The following PTPN3 variants were observed in gnomAD, a reference collection of about 807,000 sequenced individuals.
PTPN3 encodes the protein tyrosine-protein phosphatase non-receptor type 3.
PTPN3 carries 96 observed loss-of-function variants against 132.7 expected under a neutral mutation model. The observed-to-expected ratio is 0.72, with a 90% CI of 0.61 to 0.86. The LOEUF is 0.86. PTPN3 is among the 40% of genes least tolerant of loss of function. The probability of loss-of-function intolerance (pLI) is 0.00; values close to 1 mark genes in which losing one functional copy is unlikely to be tolerated. For missense variants in PTPN3, 1,125 were observed against 1,159.6 expected (o/e 0.97, Z 0.43); for synonymous variants, 398 against 429.0 (o/e 0.93, Z 0.89).
intron 14 of PTPN3, among the ~76,000 whole-genome samples, chr9:109,415,768 G>C (rs756774731): frequency 6.6e-6 from 1 of 152,134 alleles, no homozygotes; most frequent in Non-Finnish European, 1.5e-5. Flanking sequence ...AGTGAGGGAC[G>C]ACTGATGTTT....
At chr9:109,529,265 T>C in the PTPN3 span, among the ~76,000 whole-genome samples, 1 of 152,234 alleles carries the variant, frequency 6.6e-6, no homozygotes, top group African/African-American at 2.4e-5. Flanking sequence ...CTCAATCAGC[T>C]GCATCAGCAC....
Position 109,463,320 on chromosome 9 carries a change from C to A in PTPN3, c.115G>T (p.Val39Leu). Residue 39 changes from valine (V) to leucine (L), a missense_variant, in exon 2 of 26, where the codon GTG becomes TTG. By Grantham distance (32) the Val-to-Leu change is conservative. Coordinates refer to ENST00000374541, the MANE Select transcript of PTPN3 (RefSeq NM_002829.4). ...ACAGTAACTTTAAAGGTCTGTACCA[C>A]GCCATCTAAAAAGTGGATGCTGCAA... ...VICSIHFLDG[V>L]VQTFKVTKQD... 1 of 1,613,100 alleles carries A rather than the reference C, an allele frequency of 6.2e-7. No individual in the cohort carries two copies. The highest frequency in any genetic ancestry group is 2.2e-5 in the East Asian group (1 of 44,812).
intron 4 of PTPN3, 87 bp downstream of exon 4, chr9:109,457,086 G>T: frequency 7.2e-7 from 1 of 1,385,512 alleles, no homozygotes; most frequent in Non-Finnish European, 1.0e-6. Flanking sequence ...GGTACCAGAT[G>T]TCACAGGCAC....
chr9:109,468,423 G>A (rs980454555), intron 1 of PTPN3, among the ~76,000 whole-genome samples: 3 of 152,030 alleles, frequency 2.0e-5, no homozygotes, highest in African/African-American at 7.3e-5. Context: ...CTGGAGTACA[G>A]TGGCGTGATC....
In PTPN3 at chr9:109,377,435, CACACACACACACACACACACACAA is replaced by C; in HGVS notation, c.*2097_*2120del. On this transcript the variant is annotated 3_prime_UTR_variant, in exon 26 of 26. Transcript: ENST00000374541. The stretch of plus-strand genomic sequence containing the variant: ...ACACACACACACACACACACACACA[CACACACACACACACACACACACAA>C]GCCAGGTGAGGTGGCATGTGCCTAT... 6.8e-6 allele frequency: 1 copy of C among 147,800 alleles called. No homozygotes were observed. The highest frequency in any genetic ancestry group is 1.5e-5 in the Non-Finnish European group (1 of 68,662). The allele number at this position is 147,800 out of a possible 1,614,324, so 9.2% of individuals were successfully genotyped here.
In PTPN3 at chr9:109,377,513, C is replaced by T. The variant is rs773263707; in HGVS notation, c.*2043G>A. On this transcript the variant is annotated 3_prime_UTR_variant, in exon 26 of 26. Transcript: ENST00000374541. The stretch of plus-strand genomic sequence containing the variant: ...CCCGGCTACTCAGGAGGCTGAGGTG[C>T]GAGGATTGCTTGAGCCCAGGAATTT... 6.6e-6 allele frequency: 1 copy of T among 151,496 alleles called. No individual in the cohort carries two copies. Among genetic ancestry groups the T allele is most frequent in the African/African-American group, 2.4e-5 (1 of 40,978 alleles). 9.4% of individuals were successfully genotyped at this position (151,496 alleles called of 1,614,324 possible).
chr9:109,410,395 G>T lies in PTPN3; in HGVS notation c.1334C>A (p.Pro445Gln), dbSNP rs775609338. The T allele has an allele frequency of 6.2e-7, 1 of 1,614,064 alleles. No individual in the cohort carries two copies. The highest frequency in any genetic ancestry group is 8.5e-7 in the Non-Finnish European group (1 of 1,179,972). The stretch of plus-strand genomic sequence containing the variant: ...CTTCTGGGTCAGGTAGCTTTGTGCC[G>T]GATTGTTCTCGGATAAACTCCTTCA... ...PHQESLSENN[P>Q]AQSYLTQKSS... The change falls in exon 15 of 26, where the codon CCG (proline) becomes CAG (glutamine). Residue 445 changes from proline (P) to glutamine (Q), a missense_variant. Physicochemically the swap from Pro to Gln is moderately conservative, Grantham distance 76. Transcript: ENST00000374541.
intron 19 of PTPN3, among the ~76,000 whole-genome samples, chr9:109,398,000 A>G (rs1840743661): frequency 1.3e-5 from 2 of 152,258 alleles, no homozygotes; most frequent in South Asian, 4.1e-4. Context: ...TGGGCCGGGC[A>G]TGGTGGCTGA....
intron 9 of PTPN3, 122 bp downstream of exon 9, chr9:109,436,761 A>G: frequency 7.2e-7 from 1 of 1,392,110 alleles, no homozygotes; most frequent in Non-Finnish European, 9.4e-7. Context: ...AAACCTTCCA[A>G]ATATCTTTTA....
At chr9:109,527,823 C>T in the PTPN3 span, among the ~76,000 whole-genome samples, 50 of 152,126 alleles carry the variant, frequency 3.3e-4, 1 homozygote, top group African/African-American at 1.1e-3. Flanking sequence ...GAGTGAAAAG[C>T]CAAGCCACAG....
At chr9:109,401,006 T>TAC in intron 19 of PTPN3, among the ~76,000 whole-genome samples, 1 of 152,286 alleles carries the variant, frequency 6.6e-6, no homozygotes, top group South Asian at 2.1e-4. Flanking sequence ...CCCTACTGGT[T>TAC]CCATCACAGG....
At chr9:109,422,183 A>G (rs1842927170) in intron 13 of PTPN3, among the ~76,000 whole-genome samples, 1 of 152,204 alleles carries the variant, frequency 6.6e-6, no homozygotes. Context: ...CTACAAACCC[A>G]GTGCCCTTCT....
chr9:109,419,987 G>A (rs1235063126), intron 14 of PTPN3, among the ~76,000 whole-genome samples: 2 of 152,182 alleles, frequency 1.3e-5, no homozygotes, highest in Non-Finnish European at 2.9e-5. Flanking sequence ...TCAGAACCCT[G>A]TTGTTCGGAG....
chr9:109,410,405 C>T lies in PTPN3; in HGVS notation c.1324G>A (p.Glu442Lys), dbSNP rs141809051. ...AGGTAGCTTTGTGCCGGATTGTTCT[C>T]GGATAAACTCCTTCATCATGGGGAA... The part of the protein sequence containing the change: ...NRSPHQESLS[E>K]NNPAQSYLTQ... The change falls in exon 15 of 26, where the codon GAG becomes AAG. Residue 442 changes from glutamate (E) to lysine (K), a missense_variant. Physicochemically the swap from Glu to Lys is moderately conservative, Grantham distance 56. Transcript: ENST00000374541. 26 of 1,613,930 alleles carry T rather than the reference C, an allele frequency of 1.6e-5. No homozygotes were observed. Among genetic ancestry groups the T allele is most frequent in the East Asian group, 2.2e-5 (1 of 44,878 alleles).
Position 109,497,320 on chromosome 9 carries a change from C to A in PTPN3, c.-18+899G>T, listed in dbSNP as rs188697514. Among the ~76,000 whole-genome samples the A allele has an allele frequency of 2.6e-5, 4 of 152,264 alleles. No homozygotes were observed. The East Asian group carries it at 7.7e-4, about 29-fold the overall frequency. On this transcript the variant is annotated intron_variant, in intron 1 of 25. Coordinates refer to ENST00000374541, the MANE Select transcript of PTPN3 (RefSeq NM_002829.4). ...TGCCGGGCACGGTGCCAAACACCTC[C>A]ACATAATTTATCCCACTTAATCCAC...
At chr9:109,497,867 C>T (rs912093829) in intron 1 of PTPN3, among the ~76,000 whole-genome samples, 5 of 151,554 alleles carry the variant, frequency 3.3e-5, no homozygotes, top group African/African-American at 1.2e-4. Context: ...GCACGGGGTC[C>T]TCCGGAGGTG....
At chr9:109,408,824 T>TTA (rs540567356) in intron 16 of PTPN3, among the ~76,000 whole-genome samples, 1,800 of 128,510 alleles carry the variant, frequency 0.014, 34 homozygotes, top group African/African-American at 0.046. Flanking sequence ...TATATGGGCT[T>TTA]TATATATATA....
intron 4 of PTPN3, 45 bp from the exon 5 acceptor site, chr9:109,454,619 G>A: frequency 2.0e-6 from 3 of 1,469,752 alleles, no homozygotes; most frequent in Non-Finnish European, 2.9e-6. Flanking sequence ...CTTTGACAAA[G>A]TCAATGTATG....
intron 13 of PTPN3, among the ~76,000 whole-genome samples, chr9:109,421,089 G>T (rs1842864260): frequency 6.6e-6 from 1 of 152,178 alleles, no homozygotes; most frequent in African/African-American, 2.4e-5. Context: ...AAGAGAAAAT[G>T]TTTGCTTTTT....
Sources: allele counts gnomAD v4.1 joint callset (sites outside exome capture counted in the v4.1 genomes callset), GRCh38; gene constraint gnomAD v4.1.1; transcripts MANE v1.5; gene names NCBI Gene and HGNC (gene_info 2026-07-23, HGNC 2026-07-21).